Variants in AK3 observed in about 807,000 individuals in gnomAD.
The protein encoded by AK3 is GTP:AMP phosphotransferase AK3, mitochondrial.
A neutral mutation model predicts 23.7 loss-of-function variants in AK3; 27 were observed. The observed-to-expected ratio is 1.14, with a 90% CI of 0.84 to 1.57. The LOEUF (loss-of-function observed/expected upper bound fraction) is 1.57, where lower values mean the gene tolerates loss of function less well. Ranked by LOEUF, AK3 falls within the 40% of genes most tolerant of loss-of-function variation. The pLI is 0.00. For missense variants in AK3, 406 were observed against 285.6 expected (o/e 1.42, Z -3.04); for synonymous variants, 159 against 116.0 (o/e 1.37, Z -2.38).
upstream of AK3, chr9:4,741,907 C>T (rs45514300): frequency 2.8e-3 from 429 of 151,284 alleles, 2 homozygotes; most frequent in Non-Finnish European, 5.3e-3. Flanking sequence ...CTGCCGAGCG[C>T]CCTCTCTTCC....
At chr9:4,719,356 G>A in intron 2 of AK3, 49 bp from the exon 3 acceptor site, 2 of 1,110,360 alleles carry the variant, frequency 1.8e-6, no homozygotes, top group Non-Finnish European at 2.6e-6. Context: ...AAGGAAGTAT[G>A]GGGTGGGGGT....
rs936887475 is a variant in AK3 at position 4,709,825 on chromosome 9, T to C, written c.*3151A>G. ...AGGGCCTGAGGATTTATTTTTATTT[T>C]TATTTTTATTTTTTGGTCAATGAGA... On this transcript the variant is annotated 3_prime_UTR_variant, in exon 5 of 5. Transcript: ENST00000381809. The C allele has an allele frequency of 1.3e-5, 2 of 152,016 alleles. No homozygotes were observed. The highest frequency in any genetic ancestry group is 2.9e-5 in the Non-Finnish European group (2 of 68,034). 9.4% of individuals were successfully genotyped at this position (152,016 alleles called of 1,614,324 possible).
intron 4 of AK3, among the ~76,000 whole-genome samples, chr9:4,718,121 G>T (rs1841786536): frequency 6.6e-6 from 1 of 152,204 alleles, no homozygotes; most frequent in Non-Finnish European, 1.5e-5. Flanking sequence ...CATAGAAGAG[G>T]AAGCCCTGGC....
At chr9:4,738,156 T>G (rs1842340004) in intron 1 of AK3, among the ~76,000 whole-genome samples, 1 of 152,202 alleles carries the variant, frequency 6.6e-6, no homozygotes, top group African/African-American at 2.4e-5. Context: ...CTATACAACT[T>G]TGATAAAATT....
rs765581630 is a variant in AK3, at chr9:4,718,477, C to A, written c.505G>T (p.Val169Phe). The change falls in exon 4 of 5, where the codon GTT (valine) becomes TTT (phenylalanine). Residue 169 changes from valine (V) to phenylalanine (F), a missense_variant. By Grantham distance (50) the Val-to-Phe change is conservative. Transcript: ENST00000381809. ...TCATAAGCCTTTAGTCTCTTGATAA[C>A]CGTCTCTGGTTTATCATCCTCACGC... The part of the protein sequence containing the change: ...IQREDDKPET[V>F]IKRLKAYEDQ... The A allele has an allele frequency of 1.2e-6, 2 of 1,613,604 alleles. No individual in the cohort carries two copies. Among genetic ancestry groups the A allele is most frequent in the African/African-American group, 2.7e-5 (2 of 74,922 alleles).
intron 1 of AK3, among the ~76,000 whole-genome samples, chr9:4,727,667 GTGTT>G (rs1429392855): frequency 6.6e-6 from 1 of 152,160 alleles, no homozygotes; most frequent in Non-Finnish European, 1.5e-5. Context: ...TTGTGCTCCA[GTGTT>G]TACTGGAGCA....
chr9:4,732,683 T>G (rs1056230214), intron 1 of AK3, among the ~76,000 whole-genome samples: 1 of 152,190 alleles, frequency 6.6e-6, no homozygotes, highest in Admixed American at 6.5e-5. Context: ...GACATTAGTA[T>G]GAGAAATAAA....
intron 2 of AK3, among the ~76,000 whole-genome samples, chr9:4,720,502 A>G (rs1399748096): frequency 6.6e-6 from 1 of 152,088 alleles, no homozygotes; most frequent in Non-Finnish European, 1.5e-5. Context: ...TGGGCAACAT[A>G]GCAAGACCCC....
At chr9:4,736,332 T>A (rs959372972) in intron 1 of AK3, among the ~76,000 whole-genome samples, 5 of 152,096 alleles carry the variant, frequency 3.3e-5, no homozygotes, top group African/African-American at 1.2e-4. Flanking sequence ...ATAATCTGTG[T>A]TTTAAAAAAC....
At position 4,732,498 on chromosome 9, in the gene AK3, G is replaced by C. The variant is rs900952994; in HGVS notation, c.151+8439C>G. 3.9e-5 allele frequency among the ~76,000 whole-genome samples: 6 copies of C among 152,070 alleles called. No homozygotes were observed. The East Asian group carries it at 1.2e-3, about 29-fold the overall frequency. On this transcript the variant is annotated intron_variant, in intron 1 of 4. Transcript: ENST00000381809. ...CTGTATTTCCTTTTTTGATTCAAAA[G>C]TTAACAAATTTGGGCACTTCCACAA...
At chr9:4,729,411 G>T (rs1469881324) in intron 1 of AK3, among the ~76,000 whole-genome samples, 2 of 152,166 alleles carry the variant, frequency 1.3e-5, no homozygotes, top group Non-Finnish European at 2.9e-5. Context: ...GCTCAACGCT[G>T]CAGTGAGCCA....
intron 4 of AK3, among the ~76,000 whole-genome samples, chr9:4,717,143 G>A (rs1323509658): frequency 6.6e-6 from 1 of 152,154 alleles, no homozygotes; most frequent in Non-Finnish European, 1.5e-5. Flanking sequence ...TAAGCAGAAG[G>A]TGAAGGTGAA....
Position 4,735,361 on chromosome 9 carries a change from A to ACC in AK3, c.151+5575_151+5576insGG, listed in dbSNP as rs1842256351. Among the ~76,000 whole-genome samples, 8 of 44,860 alleles carry ACC rather than the reference A, an allele frequency of 1.8e-4. 2 individuals are homozygous for ACC. The highest frequency in any genetic ancestry group is 4.8e-4 in the East Asian group (1 of 2,062). The allele number at this position is 44,860 out of a possible 152,430, so 29.4% of individuals were successfully genotyped here. A position where few individuals can be genotyped will look rare whatever the true frequency, so the allele number is the denominator to read the frequency against. ...TATATATACATATATAAATATATAT[A>ACC]TACATATATAAATATATATACATAT... On this transcript the variant is annotated intron_variant, in intron 1 of 4. Coordinates refer to ENST00000381809, the MANE Select transcript of AK3 (RefSeq NM_016282.4).
In AK3 at chr9:4,713,727, A is replaced by G. The variant is rs367567753; in HGVS notation, c.564-631T>C. ...CATTTCTTCCCAGGCAGATTTGTCT[A>G]GCTTGTCACTAGACCAGCAGCCAAA... On this transcript the variant is annotated intron_variant, in intron 4 of 4. Transcript: ENST00000381809. Among the ~76,000 whole-genome samples the G allele has an allele frequency of 1.4e-3, 212 of 152,226 alleles. 2 individuals carry two copies. The highest frequency in any genetic ancestry group is 4.7e-3 in the African/African-American group (196 of 41,500).
intron 4 of AK3, among the ~76,000 whole-genome samples, chr9:4,716,850 G>A (rs771209095): frequency 6.6e-6 from 1 of 152,174 alleles, no homozygotes; most frequent in Non-Finnish European, 1.5e-5. Flanking sequence ...AGAATTGCTT[G>A]AGCCCAGGAA....
chr9:4,737,577 G>A (rs763807878), intron 1 of AK3, among the ~76,000 whole-genome samples: 4 of 152,136 alleles, frequency 2.6e-5, no homozygotes, highest in African/African-American at 9.7e-5. Context: ...AGCCAGCCAC[G>A]GTGGTGCAAG....
intron 1 of AK3, among the ~76,000 whole-genome samples, chr9:4,732,619 G>C (rs920618484): frequency 6.6e-6 from 1 of 152,124 alleles, no homozygotes; most frequent in African/African-American, 2.4e-5. Flanking sequence ...GAGAAAAATA[G>C]GGAAACTCAA....
chr9:4,732,785 G>C (rs7875108), intron 1 of AK3, among the ~76,000 whole-genome samples: 70,641 of 151,682 alleles, frequency 0.47, 19,321 homozygotes, highest in East Asian at 0.74. Context: ...ATCTGAATGA[G>C]CTTATTCAAA....
chr9:4,742,017 T>A (rs1842446210), upstream of AK3: 1 of 152,270 alleles, frequency 6.6e-6, no homozygotes, highest in South Asian at 2.1e-4. Context: ...AGTGAGACTC[T>A]TTTATAAATA....
Sources: gnomAD v4.1 joint callset for allele counts (sites outside exome capture counted in the v4.1 genomes callset) on GRCh38, gnomAD v4.1.1 for gene constraint, MANE v1.5 for transcripts, NCBI Gene and HGNC (gene_info 2026-07-23, HGNC 2026-07-21) for gene names.